The following BCCIP variants were observed in gnomAD, a reference collection of about 807,000 sequenced individuals.
BCCIP encodes the protein BRCA2 and CDKN1A-interacting protein.
In BCCIP, 23 loss-of-function variants were observed where a neutral mutation model predicts 32.8. The ratio of observed to expected loss-of-function variants is 0.70; its 90% CI spans 0.51 to 0.99. The LOEUF (loss-of-function observed/expected upper bound fraction) is 0.99, where lower values mean the gene tolerates loss of function less well. BCCIP is among the 50% of genes least tolerant of loss of function. The pLI, the probability that BCCIP is intolerant of heterozygous loss-of-function variation, is 0.00. For missense variants in BCCIP, 378 were observed against 379.8 expected, an observed-to-expected ratio of 1.00 and a Z score of 0.04; for synonymous variants, 144 against 137.6, an observed-to-expected ratio of 1.05 and a Z score of -0.33.
At chr10:125,839,781 G>T (rs1854817886), downstream of BCCIP, among the ~76,000 whole-genome samples, 1 of 152,034 alleles carries the variant, frequency 6.6e-6, no homozygotes, top group South Asian at 2.1e-4. Flanking sequence ...AGTCTTTCTG[G>T]CCACCTGTAA....
intron 7 of BCCIP, among the ~76,000 whole-genome samples, chr10:125,850,498 C>T (rs1944076966): frequency 6.6e-6 from 1 of 151,912 alleles, no homozygotes; most frequent in South Asian, 2.1e-4. Context: ...GCTGGGATTA[C>T]AGGCATGCAC....
downstream of BCCIP, chr10:125,839,072 C>A (rs765597272): frequency 3.1e-6 from 5 of 1,614,200 alleles, no homozygotes; most frequent in Non-Finnish European, 1.7e-6. Context: ...AAAGCAGGTT[C>A]TGCATAGGGA....
At chr10:125,844,868 C>T (rs932694029), downstream of BCCIP, among the ~76,000 whole-genome samples, 10 of 152,208 alleles carry the variant, frequency 6.6e-5, no homozygotes, top group African/African-American at 2.4e-4. Context: ...CAGCTGTACT[C>T]CCTGTGGAAT....
intron 1 of BCCIP, 78 bp downstream of exon 1, chr10:125,823,800 G>A: frequency 6.4e-7 from 1 of 1,568,572 alleles, no homozygotes; most frequent in East Asian, 2.2e-5. Context: ...TAAAAATAGT[G>A]TAGGGTCTTC....
chr10:125,826,697 C>T, intron 2 of BCCIP, 32 bp downstream of exon 2: 2 of 1,608,706 alleles, frequency 1.2e-6, no homozygotes, highest in East Asian at 2.2e-5. Context: ...GCATAAATTT[C>T]CTCTTCTAAG....
intron 5 of BCCIP, among the ~76,000 whole-genome samples, chr10:125,832,802 CT>C (rs869200585): frequency 2.0e-4 from 22 of 109,258 alleles, no homozygotes; most frequent in Admixed American, 4.2e-4. Context: ...AAGACCCTAT[CT>C]TTTTTTTTTT....
chr10:125,846,377 C>T (rs570349895), downstream of BCCIP, among the ~76,000 whole-genome samples: 1 of 152,292 alleles, frequency 6.6e-6, no homozygotes, highest in Admixed American at 6.5e-5. Context: ...TTTAAAATGA[C>T]CATACAGTGG....
chr10:125,824,445 A>G (rs1430509323), intron 1 of BCCIP, among the ~76,000 whole-genome samples: 1 of 152,202 alleles, frequency 6.6e-6, no homozygotes, highest in South Asian at 2.1e-4. Flanking sequence ...AATTTGTATA[A>G]TAATTCATGC....
chr10:125,841,197 G>A, downstream of BCCIP: 1 of 1,516,092 alleles, frequency 6.6e-7, no homozygotes, highest in Non-Finnish European at 9.1e-7. Flanking sequence ...TTGTGTGTGT[G>A]TGTTTGCTTT....
At chr10:125,829,478 ATGGTT>A (rs1854475329) in intron 3 of BCCIP, among the ~76,000 whole-genome samples, 1 of 152,138 alleles carries the variant, frequency 6.6e-6, no homozygotes, top group Non-Finnish European at 1.5e-5. Flanking sequence ...ATCTTAAGTC[ATGGTT>A]TCTACTTCCT....
chr10:125,835,111 C>G (rs919061812), intron 6 of BCCIP, among the ~76,000 whole-genome samples: 1 of 148,782 alleles, frequency 6.7e-6, no homozygotes. Flanking sequence ...CCAGCCTGGG[C>G]GACAGAGCGA....
chr10:125,825,491 A>T (rs559546321), intron 1 of BCCIP: 1 of 152,338 alleles, frequency 6.6e-6, no homozygotes, highest in South Asian at 2.1e-4. Flanking sequence ...TTTGCTGCTC[A>T]CATAATCTGG....
intron 7 of BCCIP, chr10:125,852,265 C>G (rs1354494442): frequency 1.2e-6 from 2 of 1,608,512 alleles, no homozygotes; most frequent in Non-Finnish European, 1.7e-6. Flanking sequence ...CAGCCTAATG[C>G]CTGGCTGACA....
At chr10:125,824,318 C>T (rs1854297836) in intron 1 of BCCIP, among the ~76,000 whole-genome samples, 1 of 152,142 alleles carries the variant, frequency 6.6e-6, no homozygotes, top group African/African-American at 2.4e-5. Context: ...TAGGTCCTAC[C>T]GTAGTGCCTG....
In BCCIP at chr10:125,833,827, T is replaced by C. The variant is rs1564819374; in HGVS notation, c.655T>C (p.Tyr219His). 6.2e-7 allele frequency: 1 copy of C among 1,614,228 alleles called. No individual in the cohort carries two copies. Among genetic ancestry groups the C allele is most frequent in the East Asian group, 2.2e-5 (1 of 44,894 alleles). ...TNKPCGKCYF[Y>H]LLISKTFVEA... ...TAAGCCATGTGGGAAGTGCTACTTT[T>C]ACCTTCTGATTAGTAAGACATTTGT... is the stretch of plus-strand genomic sequence containing the variant. Residue 219 changes from tyrosine to histidine, a missense_variant, in exon 6 of 7, where the codon TAC (tyrosine) becomes CAC (histidine). Coordinates refer to ENST00000278100, the MANE Select transcript of BCCIP (RefSeq NM_078468.3).
At chr10:125,825,103 A>C (rs1854351878) in intron 1 of BCCIP, among the ~76,000 whole-genome samples, 1 of 152,276 alleles carries the variant, frequency 6.6e-6, no homozygotes, top group Non-Finnish European at 1.5e-5. Context: ...TTTGGGTTAT[A>C]GAAATCAATG....
At chr10:125,846,064 A>G (rs930965359), downstream of BCCIP, among the ~76,000 whole-genome samples, 2 of 152,196 alleles carry the variant, frequency 1.3e-5, no homozygotes, top group Non-Finnish European at 2.9e-5. Context: ...GCCTTTGCTC[A>G]TGTTCTGGGG....
intron 6 of BCCIP, among the ~76,000 whole-genome samples, chr10:125,835,565 T>C (rs371058867): frequency 2.1e-5 from 2 of 95,058 alleles, no homozygotes; most frequent in Non-Finnish European, 4.5e-5. Flanking sequence ...GGTGACAGAG[T>C]GAGACTCTGT....
chr10:125,825,197 C>T (rs553557799), intron 1 of BCCIP, among the ~76,000 whole-genome samples: 2 of 68,278 alleles, frequency 2.9e-5, no homozygotes, highest in African/African-American at 9.3e-5. Flanking sequence ...GGGCTCTTTT[C>T]TACAAACGTG....
Sources: gnomAD v4.1 joint callset for allele counts (sites outside exome capture counted in the v4.1 genomes callset) on GRCh38, gnomAD v4.1.1 for gene constraint, MANE v1.5 for transcripts, NCBI Gene and HGNC (gene_info 2026-07-23, HGNC 2026-07-21) for gene names.